The following SULF1 variants were observed in gnomAD, a reference collection of about 807,000 sequenced individuals.
The protein encoded by SULF1 is sulfatase 1.
Under a neutral mutation model 110.5 loss-of-function variants are expected in SULF1, and 46 were observed. The ratio of observed to expected loss-of-function variants is 0.42; its 90% confidence interval spans 0.33 to 0.53. SULF1 has a LOEUF of 0.53. Among genes scored for constraint, SULF1 ranks in the 20% least tolerant of loss-of-function variants. The probability of loss-of-function intolerance (pLI) is 0.12; values close to 1 mark genes in which losing one functional copy is unlikely to be tolerated. For synonymous variants in SULF1, 371 were observed against 387.1 expected, an observed-to-expected ratio of 0.96 and a Z score of 0.49; for missense variants, 941 against 1,094.2, an observed-to-expected ratio of 0.86 and a Z score of 1.98.
At chr8:69,594,333 G>A (rs1807144825) in intron 8 of SULF1, among the ~76,000 whole-genome samples, 1 of 152,184 alleles carries the variant, frequency 6.6e-6, no homozygotes, top group Non-Finnish European at 1.5e-5. Flanking sequence ...TTACAGGCAT[G>A]AGCCAGCACA....
At chr8:69,598,210 A>C (rs2130367825) in intron 8 of SULF1, among the ~76,000 whole-genome samples, 1 of 152,256 alleles carries the variant, frequency 6.6e-6, no homozygotes, top group Non-Finnish European at 1.5e-5. Context: ...ATGACAGGTC[A>C]TACCTGAAGG....
chr8:69,655,548 T>C (rs1234392666), intron 22 of SULF1, among the ~76,000 whole-genome samples: 2 of 152,216 alleles, frequency 1.3e-5, no homozygotes, highest in African/African-American at 4.8e-5. Flanking sequence ...TTTATTGCCC[T>C]TAATCCCTGT....
chr8:69,615,145 C>A (rs1235815128), intron 13 of SULF1, among the ~76,000 whole-genome samples: 1 of 152,186 alleles, frequency 6.6e-6, no homozygotes, highest in African/African-American at 2.4e-5. Context: ...TTAGCAGGTG[C>A]CTCACCTGAG....
chr8:69,602,171 C>T (rs1807876684), intron 10 of SULF1, among the ~76,000 whole-genome samples: 1 of 151,920 alleles, frequency 6.6e-6, no homozygotes, highest in Non-Finnish European at 1.5e-5. Flanking sequence ...AAAAAAAAAC[C>T]TGACACCATC....
chr8:69,612,477 A>G (rs753551178), intron 13 of SULF1, among the ~76,000 whole-genome samples: 21 of 151,696 alleles, frequency 1.4e-4, no homozygotes, highest in Non-Finnish European at 2.4e-4. Flanking sequence ...CAGCAGTGCA[A>G]AAGTGTTCCT....
At chr8:69,578,379 T>C (rs1805777225) in intron 6 of SULF1, among the ~76,000 whole-genome samples, 1 of 152,124 alleles carries the variant, frequency 6.6e-6, no homozygotes, top group South Asian at 2.1e-4. Flanking sequence ...ATACTTTAAG[T>C]TTTAGGGTAC....
chr8:69,571,577 C>G (rs541606570), intron 5 of SULF1, among the ~76,000 whole-genome samples: 30 of 152,262 alleles, frequency 2.0e-4, no homozygotes, highest in African/African-American at 6.5e-4. Context: ...GTTGTAATAA[C>G]TGAGAATCAG....
intron 6 of SULF1, among the ~76,000 whole-genome samples, chr8:69,579,564 C>CAAAAA (rs1416643898): frequency 2.9e-4 from 30 of 105,066 alleles, no homozygotes; most frequent in South Asian, 5.9e-4. Flanking sequence ...CACACACACA[C>CAAAAA]AAAAAAAAAA....
At chr8:69,637,776 T>C (rs1563618142) in intron 19 of SULF1, 1 of 152,344 alleles carries the variant, frequency 6.6e-6, no homozygotes, top group Non-Finnish European at 1.5e-5. Flanking sequence ...AGACCCCATC[T>C]CTTAAAAAAT....
Position 69,530,288 on chromosome 8 carries a change from A to G in SULF1, c.-134+28320A>G, listed in dbSNP as rs578190267. Among the ~76,000 whole-genome samples, 11 of 152,244 alleles carry G rather than the reference A, an allele frequency of 7.2e-5. No homozygotes were observed. In the East Asian group the frequency reaches 2.1e-3, roughly 29 times the overall value. On this transcript the variant is annotated intron_variant, in intron 3 of 22. Coordinates refer to ENST00000402687, the MANE Select transcript of SULF1 (RefSeq NM_001128205.2). ...TGAGCAAAAAGAAAAAGTAATGTCTAGGGCTACCCTACATATTCATTCAGT... is the reference window on the plus strand; with the variant it reads ...TGAGCAAAAAGAAAAAGTAATGTCTGGGGCTACCCTACATATTCATTCAGT...
chr8:69,538,567 G>A (rs1813627405), intron 3 of SULF1, among the ~76,000 whole-genome samples: 1 of 152,168 alleles, frequency 6.6e-6, no homozygotes, highest in African/African-American at 2.4e-5. Context: ...GGTATGGAGA[G>A]GTGCTTGGAA....
chr8:69,602,741 G>A (rs755553406), intron 10 of SULF1, among the ~76,000 whole-genome samples: 15 of 152,178 alleles, frequency 9.9e-5, no homozygotes, highest in Admixed American at 3.9e-4. Context: ...GAAACACCCT[G>A]AGAATTGTCA....
chr8:69,592,362 G>C (rs1311166548), intron 8 of SULF1, among the ~76,000 whole-genome samples: 1 of 152,176 alleles, frequency 6.6e-6, no homozygotes, highest in Non-Finnish European at 1.5e-5. Context: ...TGGAGGTTGG[G>C]TAGTAACAAA....
chr8:69,500,708 A>G (rs1810734769), intron 2 of SULF1, among the ~76,000 whole-genome samples: 1 of 152,084 alleles, frequency 6.6e-6, no homozygotes, highest in South Asian at 2.1e-4. Context: ...GAACTCCCCA[A>G]CCCCCAGGAG....
chr8:69,494,246 T>C (rs866594642), intron 1 of SULF1, among the ~76,000 whole-genome samples: 8 of 152,224 alleles, frequency 5.3e-5, no homozygotes, highest in Admixed American at 1.3e-4. Flanking sequence ...CCATGTATAG[T>C]ATGTATGTAT....
chr8:69,588,217 G>GC lies in SULF1; in HGVS notation c.565-748dup, dbSNP rs200025978. 1.9e-3 allele frequency among the ~76,000 whole-genome samples: 292 copies of GC among 152,106 alleles called. No individual in the cohort carries two copies. The East Asian group carries it at 0.03, about 15-fold the overall frequency. On this transcript the variant is annotated intron_variant, in intron 7 of 22. Transcript: ENST00000402687. ...CCCTCCCTCTTACAGACCTGCATCA[G>GC]CCCCCCCTGACTGTGGGTTAAGTCA...
intron 3 of SULF1, among the ~76,000 whole-genome samples, chr8:69,528,523 G>A (rs576795587): frequency 1.3e-5 from 2 of 152,262 alleles, no homozygotes; most frequent in Non-Finnish European, 2.9e-5. Flanking sequence ...ACAAAACTTG[G>A]TTTTCTTTAA....
intron 3 of SULF1, among the ~76,000 whole-genome samples, chr8:69,506,805 G>C (rs1413323503): frequency 2.6e-5 from 4 of 152,244 alleles, no homozygotes; most frequent in African/African-American, 4.8e-5. Context: ...ATTACGATGA[G>C]GGTGGGGACT....
At chr8:69,568,705 A>G (rs979093774) in intron 5 of SULF1, among the ~76,000 whole-genome samples, 1 of 152,194 alleles carries the variant, frequency 6.6e-6, no homozygotes, top group Non-Finnish European at 1.5e-5. Flanking sequence ...ACCCGTAAGT[A>G]CTTCAGAGTT....
Sources: gnomAD v4.1 joint callset for allele counts (sites outside exome capture counted in the v4.1 genomes callset) on GRCh38, gnomAD v4.1.1 for gene constraint, MANE v1.5 for transcripts, NCBI Gene and HGNC (gene_info 2026-07-23, HGNC 2026-07-21) for gene names.